Variants in INAVA observed in about 807,000 individuals in gnomAD.
The protein encoded by INAVA is innate immunity activator protein.
Under a neutral mutation model 55.3 loss-of-function variants are expected in INAVA, and 32 were observed. The ratio of observed to expected loss-of-function variants is 0.58; its 90% CI spans 0.44 to 0.78. The LOEUF (loss-of-function observed/expected upper bound fraction) is 0.78, where lower values mean the gene tolerates loss of function less well. INAVA is among the 30% of genes least tolerant of loss of function. INAVA has a pLI of 0.00. For missense variants in INAVA, 756 were observed against 786.4 expected, an observed-to-expected ratio of 0.96 and a Z score of 0.46; for synonymous variants, 294 against 329.4, an observed-to-expected ratio of 0.89 and a Z score of 1.16.
rs981852189 is a variant in INAVA, at chr1:200,901,385, G to A, written c.520+226G>A. On this transcript the variant is annotated intron_variant, in intron 5 of 9. Transcript: ENST00000413687. Reference sequence around the variant, plus strand: ...AGAAAACACCCTACTCTCTCCTTCCGTATCCTCCTCAAAATACACTACCTT... The same window carrying A: ...AGAAAACACCCTACTCTCTCCTTCCATATCCTCCTCAAAATACACTACCTT... Among the ~76,000 whole-genome samples, 8 of 152,232 alleles carry A rather than the reference G, an allele frequency of 5.3e-5. No individual in the cohort carries two copies. The East Asian group carries it at 1.2e-3, about 22-fold the overall frequency.
chr1:200,906,685 T>A (rs1425880717), intron 5 of INAVA, among the ~76,000 whole-genome samples: 1 of 152,220 alleles, frequency 6.6e-6, no homozygotes. Flanking sequence ...GAAACTTCCC[T>A]GGGGCCAGCT....
upstream of INAVA, chr1:200,891,658 AG>A: frequency 6.6e-7 from 1 of 1,505,198 alleles, no homozygotes. Context: ...GCTGGAGTGG[AG>A]GGCGCAGGGG....
At chr1:200,898,581 G>A (rs55677168) in intron 2 of INAVA, 126 bp downstream of exon 2, 1 of 1,044,862 alleles carries the variant, frequency 9.6e-7, no homozygotes, top group Non-Finnish European at 1.4e-6. Flanking sequence ...CAAGGGCTGA[G>A]AGGAAGGGGA....
Position 200,911,457 on chromosome 1 carries a change from G to A in INAVA, c.964G>A (p.Asp322Asn), listed in dbSNP as rs761732608. The A allele has an allele frequency of 4.3e-6, 7 of 1,610,858 alleles. No homozygotes were observed. Among genetic ancestry groups the A allele is most frequent in the Non-Finnish European group, 5.9e-6 (7 of 1,177,932 alleles). The change falls in exon 9 of 10, where the codon GAT becomes AAT. Residue 322 changes from aspartate (D) to asparagine (N), a missense_variant. Transcript: ENST00000413687. ...TGCCTCTCTTTCCCTCTTCAGGGTGGATTCCTTCCGGGCGGGTCCTGAGGG... is the reference window on the plus strand; with the variant it reads ...TGCCTCTCTTTCCCTCTTCAGGGTGAATTCCTTCCGGGCGGGTCCTGAGGG... ...RRGQSQSLRV[D>N]SFRAGPEGRG...
At chr1:200,904,368 G>A (rs528881870) in intron 5 of INAVA, among the ~76,000 whole-genome samples, 4 of 152,308 alleles carry the variant, frequency 2.6e-5, no homozygotes, top group African/African-American at 7.2e-5. Flanking sequence ...GATTACAGGC[G>A]TGAGCCACTG....
At chr1:200,901,375 C>A (rs1272449687) in intron 5 of INAVA, among the ~76,000 whole-genome samples, 2 of 152,244 alleles carry the variant, frequency 1.3e-5, no homozygotes, top group Non-Finnish European at 2.9e-5. Context: ...ACACCCTACT[C>A]TCTCCTTCCG....
chr1:200,909,459 G>C (rs1653629283), intron 8 of INAVA, 62 bp downstream of exon 8: 1 of 1,373,970 alleles, frequency 7.3e-7, no homozygotes, highest in African/African-American at 1.5e-5. Flanking sequence ...TGGAGGGTGG[G>C]AGCTCCCAGG....
upstream of INAVA, among the ~76,000 whole-genome samples, chr1:200,893,074 C>T (rs996740809): frequency 6.6e-6 from 1 of 152,156 alleles, no homozygotes; most frequent in African/African-American, 2.4e-5. Flanking sequence ...TTTCACCAAC[C>T]TTTAACAGAT....
chr1:200,893,809 T>TGAAA (rs1166835133), upstream of INAVA, among the ~76,000 whole-genome samples: 5 of 151,778 alleles, frequency 3.3e-5, no homozygotes, highest in African/African-American at 1.2e-4. Context: ...AGATGCCTGG[T>TGAAA]GAAAGCAAAC....
rs756469471 is a variant in INAVA at position 200,909,207 on chromosome 1, C to T, written c.786-17C>T. On this transcript the variant is annotated splice_polypyrimidine_tract_variant and intron_variant, in intron 7 of 9. Transcript: ENST00000413687. ...GGAGGCATTCCTGCCACTGACCTGTCTCTAATCCTTTTGCAGCAGCCCAGC... is the reference window on the plus strand; with the variant it reads ...GGAGGCATTCCTGCCACTGACCTGTTTCTAATCCTTTTGCAGCAGCCCAGC... 5.3e-6 allele frequency: 8 copies of T among 1,498,998 alleles called. No individual in the cohort carries two copies. Among genetic ancestry groups the T allele is most frequent in the Non-Finnish European group, 7.1e-6 (8 of 1,120,036 alleles). The allele number at this position is 1,498,998 out of a possible 1,614,324, so 92.9% of individuals were successfully genotyped here.
At position 200,909,377 on chromosome 1, in the gene INAVA, G is replaced by A. The variant is rs775507031; in HGVS notation, c.939G>A (p.Arg313=). Residue 313 remains arginine (R), a synonymous_variant, in exon 8 of 10, where the codon AGG becomes AGA. Transcript: ENST00000413687. ...CCACCCCTGAGATACAGGGGAGGAGGGGCCAGTCGCAGTCTCTGAGGTAAG... is the reference window on the plus strand; with the variant it reads ...CCACCCCTGAGATACAGGGGAGGAGAGGCCAGTCGCAGTCTCTGAGGTAAG... The part of the protein sequence containing the change: ...APATPEIQGR[R]GQSQSLRVDS... 3.1e-6 allele frequency: 5 copies of A among 1,603,412 alleles called. No individual in the cohort carries two copies. The East Asian group carries it at 9.0e-5, about 29-fold the overall frequency.
At chr1:200,893,877 TG>T (rs564526051), upstream of INAVA, among the ~76,000 whole-genome samples, 7 of 98,048 alleles carry the variant, frequency 7.1e-5, no homozygotes, top group East Asian at 2.0e-3. Context: ...TTTTAGGGGC[TG>T]GGGGAGGGGA....
chr1:200,906,687 G>T (rs1653506519), intron 5 of INAVA, among the ~76,000 whole-genome samples: 2 of 152,100 alleles, frequency 1.3e-5, no homozygotes, highest in African/African-American at 4.8e-5. Context: ...AACTTCCCTG[G>T]GGCCAGCTGG....
intron 4 of INAVA, 59 bp from the exon 5 acceptor site, chr1:200,900,878 C>T: frequency 7.3e-7 from 1 of 1,362,110 alleles, no homozygotes; most frequent in Non-Finnish European, 1.0e-6. Flanking sequence ...CTGCTGTCCA[C>T]CCTCTGGGCC....
Position 200,912,100 on chromosome 1 carries a change from G to A in INAVA, c.1607G>A (p.Arg536Lys). 1 of 1,549,432 alleles carries A rather than the reference G, an allele frequency of 6.5e-7. No individual in the cohort carries two copies. The highest frequency in any genetic ancestry group is 1.2e-5 in the South Asian group (1 of 84,046). Reference sequence around the variant, plus strand: ...CGGGTCAGGAGCCTGCCCCTTGGGAGAGAGGGCTTCGGACGAGCCCTGGGA... The same window carrying A: ...CGGGTCAGGAGCCTGCCCCTTGGGAAAGAGGGCTTCGGACGAGCCCTGGGA... Reference protein sequence around the residue: ...AFRVRSLPLGREGFGRALGPR... With the variant: ...AFRVRSLPLGKEGFGRALGPR... Residue 536 changes from arginine (R) to lysine (K), a missense_variant, in exon 9 of 10, where the codon AGA (arginine) becomes AAA (lysine). Physicochemically the swap from Arg to Lys is conservative, Grantham distance 26. Around this residue, in one of 2 missense-constraint regions of INAVA, gnomAD observed 117 missense variants for 162.1 expected, o/e 0.72. Coordinates refer to ENST00000413687, the MANE Select transcript of INAVA (RefSeq NM_001142569.3).
upstream of INAVA, among the ~76,000 whole-genome samples, chr1:200,893,951 G>A (rs939179107): frequency 6.6e-6 from 1 of 151,766 alleles, no homozygotes; most frequent in African/African-American, 2.4e-5. Context: ...GAAGATCAGA[G>A]AGTGGGGGGA....
chr1:200,909,624 T>C (rs1653635135), intron 8 of INAVA, among the ~76,000 whole-genome samples: 1 of 152,266 alleles, frequency 6.6e-6, no homozygotes, highest in African/African-American at 2.4e-5. Flanking sequence ...ACTCTAGTTT[T>C]GTCTTTTTGC....
chr1:200,900,816 C>A, intron 4 of INAVA, 121 bp from the exon 5 acceptor site: 1 of 701,478 alleles, frequency 1.4e-6, no homozygotes, highest in Non-Finnish European at 2.3e-6. Context: ...TGCTGTCTGC[C>A]TCTCTTCTGT....
Position 200,901,112 on chromosome 1 carries a change from G to GGCGCAATAGCGAGCCACC in INAVA, c.474_491dup (p.Arg159_Pro164dup). On this transcript the variant is annotated inframe_insertion, in exon 5 of 10. Transcript: ENST00000413687. ...CTCCAGCGCTGCCTGGTCGAGCGGC[G>GGCGCAATAGCGAGCCACC]GCGCAATAGCGAGCCACCTCCGGCT... The GGCGCAATAGCGAGCCACC allele has an allele frequency of 6.5e-7, 1 of 1,532,158 alleles. No individual in the cohort carries two copies. Among genetic ancestry groups the GGCGCAATAGCGAGCCACC allele is most frequent in the Non-Finnish European group, 8.7e-7 (1 of 1,143,538 alleles). The allele number at this position is 1,532,158 out of a possible 1,614,324, so 94.9% of individuals were successfully genotyped here.
Sources: gnomAD v4.1 joint callset for allele counts (sites outside exome capture counted in the v4.1 genomes callset) on GRCh38, gnomAD v4.1.1 for gene constraint, gnomAD v4.1.1 regional missense constraint, MANE v1.5 for transcripts, NCBI Gene and HGNC (gene_info 2026-07-23, HGNC 2026-07-21) for gene names.